CADM1: variants seen among roughly 807,000 people sequenced by gnomAD.
CADM1 encodes the protein TSLC-1.
A neutral mutation model predicts 53.1 loss-of-function variants in CADM1; 15 were observed. The ratio of observed to expected loss-of-function variants is 0.28; its 90% CI spans 0.19 to 0.44. The LOEUF is 0.44. CADM1 is among the 20% of genes least tolerant of loss of function. The pLI, the probability that CADM1 is intolerant of heterozygous loss-of-function variation, is 1.00. For synonymous variants in CADM1, 281 were observed against 243.0 expected, an observed-to-expected ratio of 1.16 and a Z score of -1.45; for missense variants, 434 against 611.3, an observed-to-expected ratio of 0.71 and a Z score of 3.06.
Position 115,350,507 on chromosome 11 carries a change from T to C in CADM1, c.125-110087A>G, listed in dbSNP as rs545477384. Among the ~76,000 whole-genome samples the C allele has an allele frequency of 3.7e-3, 467 of 127,808 alleles. 1 individual carries two copies. Among genetic ancestry groups the C allele is most frequent in the South Asian group, 0.014 (60 of 4,270 alleles). The allele number at this position is 127,808 out of a possible 152,430, so 83.8% of individuals were successfully genotyped here. ...CTGAGAGCCTATGACCATTCTTTTT[T>C]TCTTTTTTTTTTTTTTAATAAAAAC... On this transcript the variant is annotated intron_variant, in intron 1 of 11. Transcript: ENST00000331581.
At chr11:115,446,843 T>C (rs1948461809) in intron 1 of CADM1, among the ~76,000 whole-genome samples, 1 of 152,010 alleles carries the variant, frequency 6.6e-6, no homozygotes, top group South Asian at 2.1e-4. Context: ...AAAAGTAACA[T>C]TTCAAATAAA....
At chr11:115,442,529 C>G (rs1407112937) in intron 1 of CADM1, among the ~76,000 whole-genome samples, 1 of 152,104 alleles carries the variant, frequency 6.6e-6, no homozygotes, top group Non-Finnish European at 1.5e-5. Flanking sequence ...ATTGGAAGAC[C>G]TAATGTAGCC....
chr11:115,469,379 C>T (rs770412380), intron 1 of CADM1, among the ~76,000 whole-genome samples: 1 of 152,110 alleles, frequency 6.6e-6, no homozygotes, highest in South Asian at 2.1e-4. Flanking sequence ...TTATCCTTCC[C>T]CATTTTATAA....
intron 1 of CADM1, among the ~76,000 whole-genome samples, chr11:115,300,877 A>G (rs896945792): frequency 1.3e-5 from 2 of 152,058 alleles, no homozygotes; most frequent in African/African-American, 2.4e-5. Context: ...GTAAAGCTCA[A>G]TTTAAGGTTG....
At chr11:115,218,233 T>C (rs1489385034) in intron 5 of CADM1, 1 of 495,052 alleles carries the variant, frequency 2.0e-6, no homozygotes, top group Middle Eastern at 3.2e-4. Context: ...ACATCAAACA[T>C]TTCCTGTGAA....
chr11:115,246,635 A>G (rs1377878871), intron 1 of CADM1, among the ~76,000 whole-genome samples: 1 of 152,254 alleles, frequency 6.6e-6, no homozygotes, highest in African/African-American at 2.4e-5. Flanking sequence ...TGACCAAGTC[A>G]TCAAGATATT....
At chr11:115,194,941 G>A (rs549354307) in intron 9 of CADM1, among the ~76,000 whole-genome samples, 12 of 152,280 alleles carry the variant, frequency 7.9e-5, no homozygotes, top group Admixed American at 3.3e-4. Flanking sequence ...CCATCCGTGC[G>A]TTAAATCACT....
intron 1 of CADM1, among the ~76,000 whole-genome samples, chr11:115,358,578 T>C (rs562822953): frequency 1.3e-5 from 2 of 152,318 alleles, no homozygotes; most frequent in South Asian, 2.1e-4. Flanking sequence ...TTACGGGAGC[T>C]ACGATTCAAG....
intron 1 of CADM1, among the ~76,000 whole-genome samples, chr11:115,299,667 C>T (rs566940846): frequency 2.2e-4 from 33 of 152,020 alleles, no homozygotes; most frequent in Admixed American, 7.2e-4. Context: ...GCAGTCTGAC[C>T]TATTTGTCTT....
intron 1 of CADM1, among the ~76,000 whole-genome samples, chr11:115,374,440 A>G (rs1442221629): frequency 5.9e-5 from 9 of 152,206 alleles, no homozygotes; most frequent in Non-Finnish European, 1.3e-4. Flanking sequence ...TTGTCTGGCC[A>G]TTCTATGTAT....
chr11:115,467,405 A>T (rs148848861), intron 1 of CADM1, among the ~76,000 whole-genome samples: 101 of 152,338 alleles, frequency 6.6e-4, no homozygotes, highest in African/African-American at 2.4e-3. Context: ...CTTTCCTCAG[A>T]AGAGCTATGA....
At chr11:115,502,487 T>A (rs1412734300) in intron 1 of CADM1, among the ~76,000 whole-genome samples, 1 of 151,994 alleles carries the variant, frequency 6.6e-6, no homozygotes, top group African/African-American at 2.4e-5. Flanking sequence ...GAACATTTTA[T>A]TGAACCCATC....
chr11:115,175,459 T>G lies in CADM1; in HGVS notation c.*1015A>C. The G allele has an allele frequency of 1.0e-6, 1 of 985,106 alleles. No individual in the cohort carries two copies. The highest frequency in any genetic ancestry group is 1.2e-6 in the Non-Finnish European group (1 of 829,848). The allele number at this position is 985,106 out of a possible 1,614,324, so 61.0% of individuals were successfully genotyped here. A position where few individuals can be genotyped will look rare whatever the true frequency, so the allele number is the denominator to read the frequency against. On this transcript the variant is annotated 3_prime_UTR_variant, in exon 12 of 12. Transcript: ENST00000331581. ...CTTTTTCCTACAAATTAGTGAGAAG[T>G]AAGGCCGATTGGGAAAGGTGGATGG...
chr11:115,174,358 C>T lies in CADM1; in HGVS notation c.*2116G>A, dbSNP rs983681344. The T allele has an allele frequency of 2.0e-6, 2 of 985,106 alleles. No individual in the cohort carries two copies. The highest frequency in any genetic ancestry group is 2.4e-6 in the Non-Finnish European group (2 of 829,626). The allele number at this position is 985,106 out of a possible 1,614,324, so 61.0% of individuals were successfully genotyped here. A position where few individuals can be genotyped will look rare whatever the true frequency, so the allele number is the denominator to read the frequency against. ...TCAACAACATGCTAAATGATTCTCA[C>T]CCTTTGATATGATTATACTATGGTC... On this transcript the variant is annotated 3_prime_UTR_variant, in exon 12 of 12. Coordinates refer to ENST00000331581, the MANE Select transcript of CADM1 (RefSeq NM_001301043.2).
chr11:115,232,350 G>A (rs1941850214), intron 3 of CADM1, among the ~76,000 whole-genome samples: 1 of 152,172 alleles, frequency 6.6e-6, no homozygotes, highest in Non-Finnish European at 1.5e-5. Flanking sequence ...CAGAGATCCA[G>A]AATGTAATCA....
At chr11:115,304,284 T>C (rs1024317) in intron 1 of CADM1, among the ~76,000 whole-genome samples, 1 of 152,072 alleles carries the variant, frequency 6.6e-6, no homozygotes, top group Admixed American at 6.6e-5. Context: ...CTTCAGGACT[T>C]ACTTTATATT....
At chr11:115,475,739 G>A (rs1949116296) in intron 1 of CADM1, among the ~76,000 whole-genome samples, 2 of 152,206 alleles carry the variant, frequency 1.3e-5, no homozygotes, top group Admixed American at 6.5e-5. Flanking sequence ...CTATAGCAAC[G>A]GCAAACAGAT....
intron 1 of CADM1, among the ~76,000 whole-genome samples, chr11:115,393,691 A>T (rs550753877): frequency 1.3e-5 from 2 of 152,228 alleles, no homozygotes; most frequent in South Asian, 4.1e-4. Context: ...TAAAATTTGT[A>T]TCTTAAAATT....
intron 1 of CADM1, among the ~76,000 whole-genome samples, chr11:115,471,890 G>T (rs550067256): frequency 6.6e-6 from 1 of 152,250 alleles, no homozygotes; most frequent in East Asian, 1.9e-4. Flanking sequence ...ATTGGGTTGG[G>T]CATGCAAAGA....
Sources: allele counts gnomAD v4.1 joint callset (sites outside exome capture counted in the v4.1 genomes callset), GRCh38; gene constraint gnomAD v4.1.1; transcripts MANE v1.5; gene names NCBI Gene and HGNC (gene_info 2026-07-23, HGNC 2026-07-21).